WDR33: variants seen among roughly 807,000 people sequenced by gnomAD.
WDR33 encodes the protein pre-mRNA 3' end processing protein WDR33.
A neutral mutation model predicts 164.9 loss-of-function variants in WDR33; 47 were observed. The observed-to-expected ratio is 0.29, with a 90% CI of 0.23 to 0.36. The LOEUF is 0.36. Among genes scored for constraint, WDR33 ranks in the 10% least tolerant of loss-of-function variants. The probability of loss-of-function intolerance (pLI) is 1.00; values close to 1 mark genes in which losing one functional copy is unlikely to be tolerated. For missense variants in WDR33, 1,137 were observed against 1,754.1 expected, an observed-to-expected ratio of 0.65 and a Z score of 6.28; for synonymous variants, 505 against 589.0, an observed-to-expected ratio of 0.86 and a Z score of 2.06.
Position 127,709,713 on chromosome 2 carries a change from C to G in WDR33, c.3452G>C (p.Arg1151Pro). 2 of 1,614,246 alleles carry G rather than the reference C, an allele frequency of 1.2e-6. No homozygotes were observed. Among genetic ancestry groups the G allele is most frequent in the Non-Finnish European group, 1.7e-6 (2 of 1,180,046 alleles). The change falls in exon 19 of 22, where the codon CGA (arginine) becomes CCA (proline). Residue 1151 changes from arginine to proline, a missense_variant. Coordinates refer to ENST00000322313, the MANE Select transcript of WDR33 (RefSeq NM_018383.5). The surrounding 1 kb of genome is among the most constrained non-coding windows in gnomAD (Gnocchi z 5.0). Reference sequence around the variant, plus strand: ...CTCACCTCGTGGGGTACCCCGACCTCGACCTCTGAGATCTCGTCCTCGGGC... The same window carrying G: ...CTCACCTCGTGGGGTACCCCGACCTGGACCTCTGAGATCTCGTCCTCGGGC... ...EAARGRDLRG[R>P]GRGTPRGGRK...
At chr2:127,802,776 C>T (rs531801405) in intron 1 of WDR33, among the ~76,000 whole-genome samples, 24 of 152,012 alleles carry the variant, frequency 1.6e-4, no homozygotes, top group Non-Finnish European at 2.4e-4. Flanking sequence ...CCCAGGAGTT[C>T]GAGCCCAGAC....
Position 127,702,280 on chromosome 2 carries a change from G to A in WDR33, c.*4043C>T, listed in dbSNP as rs1685912121. 9.1e-7 allele frequency: 1 copy of A among 1,094,420 alleles called. No homozygotes were observed. Among genetic ancestry groups the A allele is most frequent in the Non-Finnish European group, 1.1e-6 (1 of 876,180 alleles). The allele number at this position is 1,094,420 out of a possible 1,614,324, so 67.8% of individuals were successfully genotyped here. A position where few individuals can be genotyped will look rare whatever the true frequency, so the allele number is the denominator to read the frequency against. Reference sequence around the variant, plus strand: ...ACGCCGCTGTGCGGAAGCCCGTGGCGAAGGCCCTGCCCTAACAGCCTGCGA... The same window carrying A: ...ACGCCGCTGTGCGGAAGCCCGTGGCAAAGGCCCTGCCCTAACAGCCTGCGA... On this transcript the variant is annotated 3_prime_UTR_variant, in exon 22 of 22. Coordinates refer to ENST00000322313, the MANE Select transcript of WDR33 (RefSeq NM_018383.5).
chr2:127,786,283 C>T (rs1308507591), intron 1 of WDR33, among the ~76,000 whole-genome samples: 7 of 152,198 alleles, frequency 4.6e-5, no homozygotes, highest in Admixed American at 1.3e-4. Context: ...GATCCTCCTG[C>T]TTTGGCTTTC....
chr2:127,768,748 T>C (rs1358196101), intron 3 of WDR33, among the ~76,000 whole-genome samples, 185 bp downstream of exon 3: 1 of 152,100 alleles, frequency 6.6e-6, no homozygotes, highest in Admixed American at 6.6e-5. Flanking sequence ...AAAAGGAAAA[T>C]CTAAATTGAG....
chr2:127,777,584 A>T (rs1295907577), intron 1 of WDR33, among the ~76,000 whole-genome samples: 1 of 152,256 alleles, frequency 6.6e-6, no homozygotes, highest in Admixed American at 6.5e-5. Context: ...GAACACTCAG[A>T]CTTAGTGTGT....
rs1223024213 is a variant in WDR33, at chr2:127,720,059, G to T, written c.1966C>A (p.Gln656Lys). The T allele has an allele frequency of 6.8e-6, 11 of 1,614,150 alleles. No homozygotes were observed. The highest frequency in any genetic ancestry group is 9.3e-6 in the Non-Finnish European group (11 of 1,180,026). Residue 656 changes from glutamine to lysine, a missense_variant, in exon 16 of 22, where the codon CAG (glutamine) becomes AAG (lysine). Gln to Lys is a moderately conservative substitution (Grantham distance 53). Around this residue, in one of 9 missense-constraint regions of WDR33, gnomAD observed 867 missense variants for 1,073.0 expected, o/e 0.81. Coordinates refer to ENST00000322313, the MANE Select transcript of WDR33 (RefSeq NM_018383.5). This position sits in a 1 kb window ranked among gnomAD's most constrained non-coding sequence, Gnocchi z 5.9. ...CCCTGGGGCGGGCCCTGGGGCCCCT[G>T]TGGTCCCATGAATCCTTGTGGCCCC... ...GGGPQGFMGP[Q>K]GPQGPPQGLP...
At chr2:127,749,301 T>C (rs116379320) in intron 7 of WDR33, among the ~76,000 whole-genome samples, 1 of 152,142 alleles carries the variant, frequency 6.6e-6, no homozygotes, top group Admixed American at 6.5e-5. Context: ...GCCACTGCAC[T>C]CCAACCTGGG....
chr2:127,751,905 A>G (rs983341837), intron 7 of WDR33, among the ~76,000 whole-genome samples: 2 of 152,112 alleles, frequency 1.3e-5, no homozygotes, highest in East Asian at 3.9e-4. Context: ...CCTCCAACAA[A>G]CTACACGGAA....
intron 1 of WDR33, among the ~76,000 whole-genome samples, chr2:127,773,121 A>T (rs1157939252): frequency 6.6e-6 from 1 of 152,176 alleles, no homozygotes. Context: ...GGGTGACAGA[A>T]CAAGACCCTG....
At chr2:127,746,696 G>A (rs189278696) in intron 7 of WDR33, among the ~76,000 whole-genome samples, 159 of 152,312 alleles carry the variant, frequency 1.0e-3, no homozygotes, top group South Asian at 1.2e-3. Context: ...GAGGAAATAC[G>A]GAGATTGTGC....
At position 127,765,203 on chromosome 2, in the gene WDR33, GTC is replaced by G; in HGVS notation, c.443_444del (p.Gly148AlafsTer6). 6.2e-7 allele frequency: 1 copy of G among 1,614,100 alleles called. No individual in the cohort carries two copies. Among genetic ancestry groups the G allele is most frequent in the Non-Finnish European group, 8.5e-7 (1 of 1,180,012 alleles). ...ASSGEFTLWN[G>X]LTFNFETILQ... The stretch of plus-strand genomic sequence containing the variant: ...AATATTGTTTCAAAATTGAAAGTGA[GTC>G]CATTCCACAGGGTAAACTCCCCACT... On this transcript the variant is annotated frameshift_variant, in exon 5 of 22. Coordinates refer to ENST00000322313, the MANE Select transcript of WDR33 (RefSeq NM_018383.5). LOFTEE classifies it high-confidence loss of function.
intron 1 of WDR33, among the ~76,000 whole-genome samples, chr2:127,782,374 C>T (rs907958727): frequency 2.6e-5 from 4 of 152,156 alleles, no homozygotes; most frequent in Admixed American, 2.6e-4. Flanking sequence ...CACCACTGCA[C>T]TCCAGCCTGG....
intron 1 of WDR33, among the ~76,000 whole-genome samples, chr2:127,787,271 A>G (rs970687684): frequency 2.8e-5 from 3 of 108,730 alleles, no homozygotes; most frequent in Admixed American, 2.6e-4. Flanking sequence ...CTACACAGAC[A>G]CGGCAACCAT....
Position 127,768,313 on chromosome 2 carries a change from G to C in WDR33, c.274-20C>G, listed in dbSNP as rs750037306. On this transcript the variant is annotated intron_variant, in intron 3 of 21. Coordinates refer to ENST00000322313, the MANE Select transcript of WDR33 (RefSeq NM_018383.5). ...GACCAGCTACAAAAAAGGAAAATTG[G>C]GTTCTTAGAGCTCCTGATTACATAC... is the stretch of plus-strand genomic sequence containing the variant. 6.9e-7 allele frequency: 1 copy of C among 1,458,312 alleles called. No homozygotes were observed. The highest frequency in any genetic ancestry group is 1.4e-5 in the South Asian group (1 of 72,964). The allele number at this position is 1,458,312 out of a possible 1,614,324, so 90.3% of individuals were successfully genotyped here. A position where few individuals can be genotyped will look rare whatever the true frequency, so the allele number is the denominator to read the frequency against.
intron 7 of WDR33, among the ~76,000 whole-genome samples, chr2:127,753,061 G>A (rs1208087147): frequency 6.6e-6 from 1 of 152,122 alleles, no homozygotes; most frequent in Non-Finnish European, 1.5e-5. Context: ...CGAGAAGCTG[G>A]GATTACAGGC....
chr2:127,744,227 C>T (rs1558933549), intron 7 of WDR33, among the ~76,000 whole-genome samples: 1 of 152,136 alleles, frequency 6.6e-6, no homozygotes, highest in Non-Finnish European at 1.5e-5. Context: ...ACCCTTTGCT[C>T]CATTGAGTTT....
In WDR33 at chr2:127,807,492, T is replaced by C. The variant is rs116591655; in HGVS notation, c.-24+3520A>G. On this transcript the variant is annotated intron_variant, in intron 1 of 21. Coordinates refer to ENST00000322313, the MANE Select transcript of WDR33 (RefSeq NM_018383.5). ...AGGATCTGCTCAAAATGGTAAGGCA[T>C]AGAGGCAGGTACTAATGGGACACAA... is the stretch of plus-strand genomic sequence containing the variant. Among the ~76,000 whole-genome samples, 868 of 152,192 alleles carry C rather than the reference T, an allele frequency of 5.7e-3. 14 individuals carry two copies. Among genetic ancestry groups the C allele is most frequent in the African/African-American group, 0.019 (807 of 41,502 alleles).
At chr2:127,779,266 G>C (rs1038493919) in intron 1 of WDR33, among the ~76,000 whole-genome samples, 1 of 151,868 alleles carries the variant, frequency 6.6e-6, no homozygotes, top group East Asian at 1.9e-4. Context: ...TCAGGAGTTC[G>C]AGACGAGCCT....
intron 7 of WDR33, chr2:127,737,781 C>T: frequency 7.7e-7 from 1 of 1,293,738 alleles, no homozygotes; most frequent in Non-Finnish European, 9.8e-7. Context: ...GGTGAATGAA[C>T]AAGTTCACTT....
Sources: allele counts gnomAD v4.1 joint callset (sites outside exome capture counted in the v4.1 genomes callset), GRCh38; gene constraint gnomAD v4.1.1; regional missense constraint gnomAD v4.1.1; non-coding constraint Gnocchi (gnomAD v3.1); transcripts MANE v1.5; gene names NCBI Gene and HGNC (gene_info 2026-07-23, HGNC 2026-07-21).